The following DHX57 variants were observed in gnomAD, a reference collection of about 807,000 sequenced individuals.
DHX57 encodes DExH-box helicase 57.
A neutral mutation model predicts 156.2 loss-of-function variants in DHX57; 105 were observed. The ratio of observed to expected loss-of-function variants is 0.67; its 90% CI spans 0.57 to 0.79. The LOEUF (loss-of-function observed/expected upper bound fraction) is 0.79, where lower values mean the gene tolerates loss of function less well. DHX57 is among the 30% of genes least tolerant of loss of function. DHX57 has a pLI of 0.00. For missense variants in DHX57, 1,847 were observed against 1,661.9 expected (o/e 1.11, Z -1.94); for synonymous variants, 704 against 595.6 (o/e 1.18, Z -2.65).
intron 21 of DHX57, among the ~76,000 whole-genome samples, chr2:38,808,177 T>A (rs879439822): frequency 4.0e-5 from 6 of 151,044 alleles, no homozygotes; most frequent in Non-Finnish European, 5.9e-5. Flanking sequence ...ATGGTCTCGA[T>A]CTCTTGACCT....
chr2:38,802,318 C>A (rs1306858457), intron 23 of DHX57, among the ~76,000 whole-genome samples: 1 of 149,096 alleles, frequency 6.7e-6, no homozygotes, highest in Admixed American at 6.7e-5. Flanking sequence ...GAAGGAATCT[C>A]GCTCTGTTGC....
At chr2:38,811,370 T>A (rs1214513747) in intron 21 of DHX57, 1 of 538,568 alleles carries the variant, frequency 1.9e-6, no homozygotes, top group Non-Finnish European at 3.7e-6. Flanking sequence ...AATTTCCACT[T>A]GTTTGCGGGT....
At chr2:38,854,949 C>A (rs772421207) in intron 8 of DHX57, 108 bp downstream of exon 8, 6 of 992,666 alleles carry the variant, frequency 6.0e-6, no homozygotes, top group Non-Finnish European at 9.4e-6. Flanking sequence ...TTAAAAATAA[C>A]CTGAAAGTAT....
At chr2:38,838,739 G>A (rs1671820102) in intron 12 of DHX57, 2 of 453,368 alleles carry the variant, frequency 4.4e-6, no homozygotes, top group East Asian at 1.4e-4. Flanking sequence ...GAACCTTTAG[G>A]TTCCTTTGAG....
At chr2:38,848,132 T>C (rs1672386209) in intron 10 of DHX57, 137 bp downstream of exon 10, 2 of 983,224 alleles carry the variant, frequency 2.0e-6, no homozygotes, top group African/African-American at 1.7e-5. Flanking sequence ...TCAGCTGCAT[T>C]ATATGGTTTA....
In DHX57 at chr2:38,818,458, C is replaced by T. The variant is rs186455618; in HGVS notation, c.3471+419G>A. 1.7e-3 allele frequency among the ~76,000 whole-genome samples: 254 copies of T among 152,078 alleles called. 1 individual carries two copies. Among genetic ancestry groups the T allele is most frequent in the Non-Finnish European group, 3.1e-3 (211 of 67,990 alleles). On this transcript the variant is annotated intron_variant, in intron 19 of 23. Transcript: ENST00000457308. ...AGGAGAATCACTTGACCCTGGGAGGCGGAGGATGCAAGTGAGCCGAGATCG... is the reference window on the plus strand; with the variant it reads ...AGGAGAATCACTTGACCCTGGGAGGTGGAGGATGCAAGTGAGCCGAGATCG...
intron 22 of DHX57, among the ~76,000 whole-genome samples, chr2:38,806,005 TAGAG>T (rs1052912015): frequency 1.3e-5 from 2 of 151,120 alleles, no homozygotes; most frequent in Non-Finnish European, 3.0e-5. Context: ...AGGGGATGAA[TAGAG>T]AGAGAGAAGA....
intron 13 of DHX57, among the ~76,000 whole-genome samples, chr2:38,833,197 C>T (rs945912629): frequency 8.6e-5 from 13 of 151,748 alleles, no homozygotes; most frequent in East Asian, 3.9e-4. Context: ...GGCTGGAGTG[C>T]GGTGGCGCGA....
At chr2:38,822,924 C>T (rs1351900133) in intron 17 of DHX57, 69 bp downstream of exon 17, 1 of 1,503,814 alleles carries the variant, frequency 6.6e-7, no homozygotes, top group Non-Finnish European at 8.9e-7. Flanking sequence ...CCTTGATTTC[C>T]CCCATGGTCC....
rs201234797 is a variant in DHX57 at position 38,868,192 on chromosome 2, G to A, written c.214C>T (p.Arg72Cys). The A allele has an allele frequency of 7.1e-5, 114 of 1,613,780 alleles. No individual in the cohort carries two copies. The highest frequency in any genetic ancestry group is 9.3e-5 in the Non-Finnish European group (110 of 1,179,952). The change falls in exon 2 of 24, where the codon CGC (arginine) becomes TGC (cysteine). Residue 72 changes from arginine (R) to cysteine (C), a missense_variant. Transcript: ENST00000457308. ...DDFCIFSESR[R>C]PSRPSNSNIS... Reference sequence around the variant, plus strand: ...AAGAGTTATAATGACCTGGAAGGGCGCCTTGATTCACTGAAGATACAAAAG... The same window carrying A: ...AAGAGTTATAATGACCTGGAAGGGCACCTTGATTCACTGAAGATACAAAAG...
Position 38,819,133 on chromosome 2 carries a change from C to T in DHX57, c.3303G>A (p.Trp1101Ter). The change falls in exon 18 of 24, where the codon TGG becomes TGA. Residue 1101 changes from tryptophan to a stop codon, truncating the protein, a stop_gained. Coordinates refer to ENST00000457308, the MANE Select transcript of DHX57 (RefSeq NM_198963.3). LOFTEE classifies it high-confidence loss of function. ...TCTGGTTAGCTTCTTCTTTTTTATC[C>T]CAGGGAGATACCTAAAGGAGAGAGG... ...LAFKSPFVSP[W>*]DKKEEANQKK... 1.2e-6 allele frequency: 2 copies of T among 1,613,816 alleles called. No homozygotes were observed.
At chr2:38,838,941 T>G in intron 12 of DHX57, 3 of 258,874 alleles carry the variant, frequency 1.2e-5, no homozygotes, top group Non-Finnish European at 2.3e-5. Flanking sequence ...TTTATTTTAT[T>G]TTATTTTTGA....
chr2:38,831,784 G>C (rs747841395), intron 13 of DHX57, among the ~76,000 whole-genome samples: 1 of 150,632 alleles, frequency 6.6e-6, no homozygotes, highest in Non-Finnish European at 1.5e-5. Flanking sequence ...TTGAACCCGG[G>C]AGGCGGAGGT....
chr2:38,800,618 C>G (rs930163932), intron 23 of DHX57, among the ~76,000 whole-genome samples: 2 of 152,160 alleles, frequency 1.3e-5, no homozygotes, highest in Non-Finnish European at 2.9e-5. Context: ...CCTTTGGTCA[C>G]AGGGATTGGT....
intron 13 of DHX57, among the ~76,000 whole-genome samples, chr2:38,833,813 C>A (rs1390249134): frequency 6.6e-6 from 1 of 151,552 alleles, no homozygotes; most frequent in Non-Finnish European, 1.5e-5. Flanking sequence ...AAAAAACTAG[C>A]ACACAAACTG....
intron 14 of DHX57, among the ~76,000 whole-genome samples, chr2:38,827,272 GA>G (rs1323868646): frequency 6.6e-6 from 1 of 151,432 alleles, no homozygotes; most frequent in African/African-American, 2.4e-5. Flanking sequence ...AAATAATGAA[GA>G]GGAATAAATA....
intron 3 of DHX57, 46 bp downstream of exon 3, chr2:38,863,315 G>A (rs746278471): frequency 6.4e-7 from 1 of 1,573,140 alleles, no homozygotes; most frequent in Non-Finnish European, 8.6e-7. Context: ...CACACTGCCA[G>A]TATGTTTTCC....
Position 38,875,813 on chromosome 2 carries a change from C to T in DHX57, c.-33G>A. ...TGGCTCGCAGAGTTGGGTCCCGAGC[C>T]GGCTGTCGGGAGGTGCTGCCCAAGG... is the stretch of plus-strand genomic sequence containing the variant. On this transcript the variant is annotated 5_prime_UTR_variant, in exon 1 of 24. Transcript: ENST00000457308. 2.6e-6 allele frequency: 1 copy of T among 386,620 alleles called. No homozygotes were observed. 23.9% of individuals were successfully genotyped at this position (386,620 alleles called of 1,614,324 possible).
rs1671648247 is a variant in DHX57 at position 38,836,216 on chromosome 2, A to T, written c.2542+1615T>A. 2.0e-5 allele frequency among the ~76,000 whole-genome samples: 3 copies of T among 152,214 alleles called. No homozygotes were observed. The South Asian group carries it at 6.2e-4, about 31-fold the overall frequency. Reference sequence around the variant, plus strand: ...TAGAGAAATGAAAGAGCAAAGTCAGACAGAAATTACAATATGTTTCCTTAA... The same window carrying T: ...TAGAGAAATGAAAGAGCAAAGTCAGTCAGAAATTACAATATGTTTCCTTAA... On this transcript the variant is annotated intron_variant, in intron 13 of 23. Transcript: ENST00000457308.
Sources: gnomAD v4.1 joint callset for allele counts (sites outside exome capture counted in the v4.1 genomes callset) on GRCh38, gnomAD v4.1.1 for gene constraint, MANE v1.5 for transcripts, NCBI Gene and HGNC (gene_info 2026-07-23, HGNC 2026-07-21) for gene names.